The following NCOA2 variants were observed in gnomAD, a reference collection of about 807,000 sequenced individuals.
NCOA2 encodes the protein nuclear receptor coactivator 2.
A neutral mutation model predicts 145.1 loss-of-function variants in NCOA2; 21 were observed. That is an observed-to-expected ratio of 0.14 (90% confidence interval 0.10 to 0.21). The LOEUF is 0.21. NCOA2 is among the 10% of genes least tolerant of loss of function. The probability of loss-of-function intolerance (pLI) is 1.00; values close to 1 mark genes in which losing one functional copy is unlikely to be tolerated. For missense variants in NCOA2, 1,472 were observed against 1,837.6 expected (o/e 0.80, Z 3.64); for synonymous variants, 619 against 637.5 (o/e 0.97, Z 0.44).
intron 4 of NCOA2, among the ~76,000 whole-genome samples, chr8:70,198,491 G>T (rs1206347183): frequency 6.6e-6 from 1 of 152,170 alleles, no homozygotes; most frequent in Non-Finnish European, 1.5e-5. Flanking sequence ...CTCACTGGAG[G>T]CTCAGGAGTT....
intron 19 of NCOA2, among the ~76,000 whole-genome samples, chr8:70,126,347 G>C (rs759629764): frequency 3.3e-5 from 5 of 151,958 alleles, no homozygotes; most frequent in Non-Finnish European, 7.4e-5. Context: ...TTAATGATCT[G>C]GTATAATCTG....
intron 18 of NCOA2, 51 bp from the exon 19 acceptor site, chr8:70,127,098 T>TAAA: frequency 7.4e-7 from 1 of 1,346,442 alleles, no homozygotes. Flanking sequence ...AGACATAGAT[T>TAAA]AAAAAACAAA....
chr8:70,444,759 A>C, the NCOA2 span, among the ~76,000 whole-genome samples: 1 of 152,220 alleles, frequency 6.6e-6, no homozygotes, highest in Non-Finnish European at 1.5e-5. Flanking sequence ...AATAAGACAA[A>C]ATATAGAATG....
chr8:70,150,567 G>A (rs1252363422), intron 11 of NCOA2, among the ~76,000 whole-genome samples: 2 of 152,162 alleles, frequency 1.3e-5, no homozygotes, highest in African/African-American at 4.8e-5. Flanking sequence ...TGAGTTCAAT[G>A]GTGGGCAAAA....
At chr8:70,125,031 C>T (rs968416503) in intron 19 of NCOA2, among the ~76,000 whole-genome samples, 166 bp from the exon 20 acceptor site, 9 of 152,078 alleles carry the variant, frequency 5.9e-5, no homozygotes, top group East Asian at 5.8e-4. Flanking sequence ...ATTCCAAGCT[C>T]GGATAAAATA....
At chr8:70,216,594 TAAC>T in intron 3 of NCOA2, 63 bp downstream of exon 3, 1 of 1,304,092 alleles carries the variant, frequency 7.7e-7, no homozygotes, top group Admixed American at 1.7e-5. Context: ...AATGCTAAAA[TAAC>T]AAAGAAGCAC....
At chr8:70,362,123 T>C (rs1586596901) in intron 1 of NCOA2, among the ~76,000 whole-genome samples, 1 of 152,278 alleles carries the variant, frequency 6.6e-6, no homozygotes, top group East Asian at 1.9e-4. Context: ...AGCACAGATA[T>C]TTACTGTATT....
At chr8:70,365,690 G>C (rs1257050833) in intron 1 of NCOA2, among the ~76,000 whole-genome samples, 2 of 152,148 alleles carry the variant, frequency 1.3e-5, no homozygotes, top group African/African-American at 2.4e-5. Context: ...TGCCTTATAA[G>C]TGTTCCACAC....
intron 13 of NCOA2, among the ~76,000 whole-genome samples, chr8:70,144,172 T>C (rs904037757): frequency 4.6e-5 from 7 of 152,372 alleles, no homozygotes; most frequent in Middle Eastern, 3.4e-3. Flanking sequence ...GCCAGGCATA[T>C]TACTGTTTAA....
At chr8:70,168,468 G>A (rs535764409) in intron 6 of NCOA2, among the ~76,000 whole-genome samples, 28 of 152,138 alleles carry the variant, frequency 1.8e-4, no homozygotes, top group Non-Finnish European at 3.1e-4. Context: ...ACAGGCACGA[G>A]CCACCATGCC....
At chr8:70,309,545 G>C (rs1828147133) in intron 1 of NCOA2, among the ~76,000 whole-genome samples, 1 of 151,720 alleles carries the variant, frequency 6.6e-6, no homozygotes, top group Non-Finnish European at 1.5e-5. Flanking sequence ...GGAATATAAT[G>C]GTTTAAAAAA....
intron 4 of NCOA2, among the ~76,000 whole-genome samples, chr8:70,208,068 T>C (rs1337306312): frequency 1.3e-5 from 2 of 151,794 alleles, no homozygotes; most frequent in Non-Finnish European, 1.5e-5. Flanking sequence ...CTGGGCCACC[T>C]AGTGAGATCC....
intron 2 of NCOA2, chr8:70,273,651 T>A (rs1245807100): frequency 2.8e-6 from 2 of 710,114 alleles, no homozygotes; most frequent in African/African-American, 3.5e-5. Flanking sequence ...ACAAAGCAGC[T>A]GACAGAAATG....
At chr8:70,422,339 AG>A in the NCOA2 span, among the ~76,000 whole-genome samples, 1 of 152,064 alleles carries the variant, frequency 6.6e-6, no homozygotes, top group East Asian at 1.9e-4. Flanking sequence ...ATTTTCTTGA[AG>A]TCTCGTGTTT....
intron 4 of NCOA2, among the ~76,000 whole-genome samples, chr8:70,201,711 T>C (rs1300838672): frequency 1.3e-5 from 2 of 152,190 alleles, no homozygotes; most frequent in East Asian, 1.9e-4. Flanking sequence ...AAACTACAGA[T>C]AGAAGGACAG....
intron 1 of NCOA2, among the ~76,000 whole-genome samples, chr8:70,326,978 C>A (rs892161154): frequency 6.6e-6 from 1 of 152,220 alleles, no homozygotes; most frequent in African/African-American, 2.4e-5. Flanking sequence ...ACAATCTTAA[C>A]TTCACTCAGT....
chr8:70,326,053 T>C (rs1043443792), intron 1 of NCOA2, among the ~76,000 whole-genome samples: 6 of 152,204 alleles, frequency 3.9e-5, no homozygotes, highest in African/African-American at 1.2e-4. Context: ...AACACTGAGT[T>C]ACAGTTTAAT....
At chr8:70,196,259 T>C (rs770400551) in intron 4 of NCOA2, among the ~76,000 whole-genome samples, 9 of 151,996 alleles carry the variant, frequency 5.9e-5, no homozygotes, top group Non-Finnish European at 1.0e-4. Flanking sequence ...GTCTGTAATC[T>C]CAGCTACTTG....
chr8:70,429,862 T>G, the NCOA2 span, among the ~76,000 whole-genome samples: 40,168 of 152,098 alleles, frequency 0.26, 5,551 homozygotes, highest in East Asian at 0.51. Flanking sequence ...TTTGTGTGTG[T>G]GGGGTTTTTG....
Sources: allele counts gnomAD v4.1 joint callset (sites outside exome capture counted in the v4.1 genomes callset), GRCh38; gene constraint gnomAD v4.1.1; transcripts MANE v1.5; gene names NCBI Gene and HGNC (gene_info 2026-07-23, HGNC 2026-07-21).